The following GRHPR variants were observed in gnomAD, a reference collection of about 807,000 sequenced individuals.
GRHPR encodes the protein glyoxylate reductase/hydroxypyruvate reductase.
A neutral mutation model predicts 36.8 loss-of-function variants in GRHPR; 35 were observed. The ratio of observed to expected loss-of-function variants is 0.95; its 90% confidence interval spans 0.73 to 1.26. GRHPR has a LOEUF of 1.26. GRHPR is among the 50% of genes most tolerant of loss of function. GRHPR has a pLI of 0.00. For missense variants in GRHPR, 380 were observed against 435.0 expected (o/e 0.87, Z 1.12); for synonymous variants, 179 against 181.0 (o/e 0.99, Z 0.09).
At chr9:37,430,771 CCAAA>C (rs748100674) in intron 7 of GRHPR, 125 bp downstream of exon 7, 3 of 863,650 alleles carry the variant, frequency 3.5e-6, no homozygotes, top group Non-Finnish European at 5.8e-6. Context: ...TTTCCATAAA[CCAAA>C]CAACCAACTC....
At position 37,428,691 on chromosome 9, in the gene GRHPR, T is replaced by C. The variant is rs1473403397; in HGVS notation, c.493+119T>C. On this transcript the variant is annotated intron_variant, in intron 5 of 8. Transcript: ENST00000318158. The stretch of plus-strand genomic sequence containing the variant: ...TGCTGTCAGGGCACTTTGCTTGCAG[T>C]AGAGATATCTCTAATGAGGGATACA... The C allele has an allele frequency of 4.0e-6, 3 of 751,482 alleles. No homozygotes were observed. In the East Asian group the frequency reaches 7.5e-5, roughly 19 times the overall value. The allele number at this position is 751,482 out of a possible 1,614,324, so 46.6% of individuals were successfully genotyped here. A position where few individuals can be genotyped will look rare whatever the true frequency, so the allele number is the denominator to read the frequency against.
chr9:37,435,136 A>G (rs1823579637), intron 8 of GRHPR, among the ~76,000 whole-genome samples: 1 of 152,162 alleles, frequency 6.6e-6, no homozygotes, highest in African/African-American at 2.4e-5. Flanking sequence ...CTCTAGTCCT[A>G]GCTGCTCAGG....
intron 4 of GRHPR, among the ~76,000 whole-genome samples, chr9:37,427,156 G>A (rs901478001): frequency 6.6e-6 from 1 of 152,078 alleles, no homozygotes; most frequent in Non-Finnish European, 1.5e-5. Context: ...GATGAGGGAG[G>A]ACAAACAAGT....
In GRHPR at chr9:37,426,670, C is replaced by T; in HGVS notation, c.404+16C>T. The T allele has an allele frequency of 6.9e-7, 1 of 1,443,782 alleles. No individual in the cohort carries two copies. Among genetic ancestry groups the T allele is most frequent in the South Asian group, 1.1e-5 (1 of 87,764 alleles). 89.4% of individuals were successfully genotyped at this position (1,443,782 alleles called of 1,614,324 possible). A position where few individuals can be genotyped will look rare whatever the true frequency, so the allele number is the denominator to read the frequency against. On this transcript the variant is annotated intron_variant, in intron 4 of 8. Transcript: ENST00000318158. ...AAGTGAAGAAGTAAGTGAACGCAGA[C>T]CAGGTGCGGTGGCTCACGGCTGTAA...
upstream of GRHPR, chr9:37,422,609 C>A (rs1046997877): frequency 8.5e-6 from 6 of 706,388 alleles, no homozygotes; most frequent in African/African-American, 3.5e-5. Context: ...CAACCCGGCG[C>A]TCCCTCTCGC....
At chr9:37,423,866 TATTATA>T (rs1431138154) in intron 1 of GRHPR, among the ~76,000 whole-genome samples, 3 of 152,202 alleles carry the variant, frequency 2.0e-5, no homozygotes, top group African/African-American at 7.2e-5. Context: ...GTGAAGTCAG[TATTATA>T]ATTCCCATTG....
At position 37,436,649 on chromosome 9, in the gene GRHPR, T is replaced by C. The variant is rs751510561; in HGVS notation, c.866-12T>C. ...CTTCTTATCTCCCTCTCTCTCTCTCTCTCCTTTCCAGTGATTCTGCCCCAC... is the reference window on the plus strand; with the variant it reads ...CTTCTTATCTCCCTCTCTCTCTCTCCCTCCTTTCCAGTGATTCTGCCCCAC... On this transcript the variant is annotated splice_polypyrimidine_tract_variant and intron_variant, in intron 8 of 8. Transcript: ENST00000318158. 28 of 1,613,552 alleles carry C rather than the reference T, an allele frequency of 1.7e-5. 1 individual carries two copies. In the Admixed American group the frequency reaches 3.7e-4, roughly 21 times the overall value.
At chr9:37,435,680 C>G (rs1487060888) in intron 8 of GRHPR, among the ~76,000 whole-genome samples, 1 of 151,398 alleles carries the variant, frequency 6.6e-6, no homozygotes, top group African/African-American at 2.4e-5. Flanking sequence ...CACTTGAGGC[C>G]AGGAGTTCAA....
intron 5 of GRHPR, chr9:37,428,938 T>G (rs1297214960): frequency 7.7e-6 from 3 of 387,360 alleles, no homozygotes; most frequent in Non-Finnish European, 1.5e-5. Flanking sequence ...GGAAGGTATG[T>G]GACTCACAAA....
intron 8 of GRHPR, chr9:37,434,460 G>A: frequency 1.7e-6 from 1 of 599,076 alleles, no homozygotes; most frequent in Non-Finnish European, 3.0e-6. Flanking sequence ...AGGAATGCAT[G>A]CAGAAATACC....
chr9:37,422,519 C>T, upstream of GRHPR: 3 of 547,636 alleles, frequency 5.5e-6, no homozygotes, highest in South Asian at 2.1e-5. Flanking sequence ...CGAGGCGCAC[C>T]CCCCCACACA....
At chr9:37,435,033 C>T (rs963124839) in intron 8 of GRHPR, among the ~76,000 whole-genome samples, 1 of 152,206 alleles carries the variant, frequency 6.6e-6, no homozygotes, top group African/African-American at 2.4e-5. Context: ...GGGAGGATCA[C>T]CTAAGACCAA....
chr9:37,429,772 G>A lies in GRHPR; in HGVS notation c.534G>A (p.Gln178=). ...IARRLKPFGV[Q]RFLYTGRQPR... is the part of the protein sequence containing the mutation. ...GGCGTCTGAAACCATTCGGTGTCCA[G>A]AGATTTCTGTACACAGGGCGCCAGC... is the stretch of plus-strand genomic sequence containing the variant. Residue 178 remains glutamine (Q), a synonymous_variant, in exon 6 of 9, where the codon CAG becomes CAA. Transcript: ENST00000318158. 1 of 1,613,898 alleles carries A rather than the reference G, an allele frequency of 6.2e-7. No homozygotes were observed. Among genetic ancestry groups the A allele is most frequent in the South Asian group, 1.1e-5 (1 of 91,082 alleles).
chr9:37,426,676 G>A (rs1243349571), intron 4 of GRHPR, 22 bp downstream of exon 4: 1 of 1,390,040 alleles, frequency 7.2e-7, no homozygotes. Flanking sequence ...CAGACCAGGT[G>A]CGGTGGCTCA....
intron 8 of GRHPR, among the ~76,000 whole-genome samples, chr9:37,435,765 A>G (rs1033991797): frequency 1.3e-5 from 2 of 152,190 alleles, no homozygotes; most frequent in Non-Finnish European, 2.9e-5. Flanking sequence ...AATTAAAAGG[A>G]AACATGATTT....
At chr9:37,435,624 C>T (rs1005816591) in intron 8 of GRHPR, among the ~76,000 whole-genome samples, 5 of 151,994 alleles carry the variant, frequency 3.3e-5, no homozygotes, top group Non-Finnish European at 7.4e-5. Context: ...GGCGCAGTGG[C>T]TCACACCTGT....
At chr9:37,429,699 C>T in intron 5 of GRHPR, 33 bp from the exon 6 acceptor site, 1 of 1,400,928 alleles carries the variant, frequency 7.1e-7, no homozygotes, top group Non-Finnish European at 1.0e-6. Context: ...CTTTGCGGGA[C>T]TGGGAACGAG....
chr9:37,433,828 C>T (rs1823498409), intron 8 of GRHPR: 1 of 381,030 alleles, frequency 2.6e-6, no homozygotes, highest in African/African-American at 2.1e-5. Context: ...GTGATCAGGG[C>T]CTTAGGTTGT....
upstream of GRHPR, chr9:37,422,682 G>T: frequency 7.8e-7 from 1 of 1,279,732 alleles, no homozygotes; most frequent in South Asian, 1.3e-5. Flanking sequence ...GCCTGGCCCC[G>T]CCCCGGCCCA....
Sources: allele counts gnomAD v4.1 joint callset (sites outside exome capture counted in the v4.1 genomes callset), GRCh38; gene constraint gnomAD v4.1.1; transcripts MANE v1.5; gene names NCBI Gene and HGNC (gene_info 2026-07-23, HGNC 2026-07-21).